Variants in FMO5 observed in about 807,000 individuals in gnomAD.
FMO5 encodes flavin containing dimethylaniline monoxygenase 5.
FMO5 carries 51 observed loss-of-function variants against 43.6 expected under a neutral mutation model. The ratio of observed to expected loss-of-function variants is 1.17; its 90% CI spans 0.93 to 1.48. The LOEUF (loss-of-function observed/expected upper bound fraction) is 1.48, where lower values mean the gene tolerates loss of function less well. Among genes scored for constraint, FMO5 ranks in the 40% most tolerant of loss-of-function variants. The pLI, the probability that FMO5 is intolerant of heterozygous loss-of-function variation, is 0.00. For synonymous variants in FMO5, 187 were observed against 216.5 expected, an observed-to-expected ratio of 0.86 and a Z score of 1.20; for missense variants, 644 against 643.0, an observed-to-expected ratio of 1.00 and a Z score of -0.02.
rs782332248 is a variant in FMO5 at position 147,215,926 on chromosome 1, CCTT to C, written c.149_151del (p.Glu50del). ...CACTGATTTGTAAATACTGGCCCTT[CCTT>C]CTTCAGGATTTTCCTGCAATAAATA... On this transcript the variant is annotated inframe_deletion, in exon 3 of 9. Transcript: ENST00000254090. 3.7e-6 allele frequency: 6 copies of C among 1,605,270 alleles called. No homozygotes were observed. The East Asian group carries it at 9.0e-5, about 24-fold the overall frequency.
chr1:147,221,855 T>G (rs1004044165), intron 2 of FMO5, among the ~76,000 whole-genome samples: 1 of 152,224 alleles, frequency 6.6e-6, no homozygotes, highest in Admixed American at 6.5e-5. Flanking sequence ...AAACACCTGA[T>G]TGGAACTTAG....
chr1:147,214,230 T>G (rs1353491622), intron 3 of FMO5, among the ~76,000 whole-genome samples: 1 of 152,030 alleles, frequency 6.6e-6, no homozygotes, highest in Non-Finnish European at 1.5e-5. Context: ...GCCAGGTGAA[T>G]CACCCGAGGT....
chr1:147,191,939 T>G (rs1656923735), intron 7 of FMO5, among the ~76,000 whole-genome samples: 1 of 152,090 alleles, frequency 6.6e-6, no homozygotes, highest in East Asian at 1.9e-4. Context: ...TGAAGTCAGG[T>G]AGCGTGATGC....
chr1:147,219,923 C>T (rs587679958), intron 2 of FMO5, among the ~76,000 whole-genome samples: 1 of 151,218 alleles, frequency 6.6e-6, no homozygotes, highest in South Asian at 2.1e-4. Flanking sequence ...ACCACAACCC[C>T]TGCCTCCCGG....
chr1:147,218,171 A>G (rs587761039), intron 2 of FMO5, among the ~76,000 whole-genome samples: 1 of 152,352 alleles, frequency 6.6e-6, no homozygotes, highest in Admixed American at 6.5e-5. Context: ...AATAGCAATT[A>G]ATTAGTAACA....
chr1:147,218,990 T>A (rs2120004), intron 2 of FMO5, among the ~76,000 whole-genome samples: 6,689 of 152,306 alleles, frequency 0.044, 165 homozygotes, highest in African/African-American at 0.071. Context: ...CAGGCATTTG[T>A]TTCCATGACT....
chr1:147,192,203 T>G (rs1218974216), intron 7 of FMO5, among the ~76,000 whole-genome samples: 23 of 152,164 alleles, frequency 1.5e-4, no homozygotes, highest in East Asian at 3.9e-4. Flanking sequence ...GTGGTTTGTA[T>G]TTCTCCTTGA....
intron 7 of FMO5, among the ~76,000 whole-genome samples, chr1:147,197,784 A>G (rs782777448): frequency 2.7e-4 from 41 of 152,164 alleles, no homozygotes; most frequent in Non-Finnish European, 4.1e-4. Context: ...GGGCTAACAC[A>G]GTCTTCCTTG....
rs1553917301 is a variant in FMO5 at position 147,187,087 on chromosome 1, T to C, written c.1415A>G (p.His472Arg). Residue 472 changes from histidine to arginine, a missense_variant, in exon 9 of 9, where the codon CAC (histidine) becomes CGC (arginine). By Grantham distance (29) the His-to-Arg change is conservative. Transcript: ENST00000254090. ...HLLLGPCTPI[H>R]YRVQGPGKWD... The stretch of plus-strand genomic sequence containing the variant: ...CTTTCCAGGGCCCTGTACACGATAG[T>C]GGATTGGAGTGCAGGGTCCCAGTAA... 6.2e-6 allele frequency: 10 copies of C among 1,613,952 alleles called. No homozygotes were observed. The Admixed American group carries it at 8.3e-5, about 13-fold the overall frequency.
Position 147,208,989 on chromosome 1 carries a change from AG to A in FMO5, c.692del (p.Pro231LeufsTer22). On this transcript the variant is annotated frameshift_variant, in exon 6 of 9. Coordinates refer to ENST00000254090, the MANE Select transcript of FMO5 (RefSeq NM_001461.4). LOFTEE classifies it high-confidence loss of function. The stretch of plus-strand genomic sequence containing the variant: ...GTCGAGAAGAGAACAACACATCAGC[AG>A]GATATCCGTAGTCCCCTACACGATT... ...ILNRVGDYGY[P>X]ADVLFSSRLT... 6.2e-7 allele frequency: 1 copy of A among 1,614,038 alleles called. No individual in the cohort carries two copies. The highest frequency in any genetic ancestry group is 1.3e-5 in the African/African-American group (1 of 75,008).
chr1:147,188,523 A>T (rs1656038728), intron 8 of FMO5, among the ~76,000 whole-genome samples: 1 of 856 alleles, frequency 1.2e-3, no homozygotes, highest in African/African-American at 3.8e-3. Flanking sequence ...ACCCCATATC[A>T]AAAAAAAAAA....
intron 2 of FMO5, among the ~76,000 whole-genome samples, chr1:147,219,121 T>G (rs1304567769): frequency 6.6e-6 from 1 of 152,214 alleles, no homozygotes; most frequent in East Asian, 1.9e-4. Flanking sequence ...AAATTGAATT[T>G]GGAGACACCA....
chr1:147,201,368 T>C lies in FMO5; in HGVS notation c.967A>G (p.Ile323Val), dbSNP rs1658943442. 1.2e-6 allele frequency: 2 copies of C among 1,614,074 alleles called. No individual in the cohort carries two copies. The highest frequency in any genetic ancestry group is 1.3e-5 in the African/African-American group (1 of 74,944). The change falls in exon 7 of 9, where the codon ATT becomes GTT. Residue 323 changes from isoleucine (I) to valine (V), a missense_variant. Physicochemically the swap from Ile to Val is conservative, Grantham distance 29 (BLOSUM62 3). Transcript: ENST00000254090. ...CCTGTGGCAAAGATAACAGCATCAA[T>C]GTCATCCTCCCTGGAGCCATCCTCA... The part of the protein sequence containing the change: ...IFEDGSREDD[I>V]DAVIFATGYS...
chr1:147,211,874 G>A (rs1386015728), intron 5 of FMO5, among the ~76,000 whole-genome samples: 1 of 152,174 alleles, frequency 6.6e-6, no homozygotes, highest in Non-Finnish European at 1.5e-5. Flanking sequence ...GACGCTATAC[G>A]GATACCCACA....
intron 7 of FMO5, among the ~76,000 whole-genome samples, chr1:147,200,384 T>A (rs1658764684): frequency 6.6e-6 from 1 of 152,176 alleles, no homozygotes; most frequent in South Asian, 2.1e-4. Context: ...TCAGATGGCA[T>A]GTTTTCAAAT....
At chr1:147,210,806 AT>A (rs1660955463) in intron 5 of FMO5, 1 of 152,204 alleles carries the variant, frequency 6.6e-6, no homozygotes, top group South Asian at 2.1e-4. Flanking sequence ...TTTTCCATCT[AT>A]ACCTTGTTTT....
chr1:147,192,982 T>C (rs1474219539), intron 7 of FMO5, among the ~76,000 whole-genome samples: 1 of 152,132 alleles, frequency 6.6e-6, no homozygotes, highest in African/African-American at 2.4e-5. Context: ...TTTTTTGTTG[T>C]GTCTCTGCCA....
Position 147,190,215 on chromosome 1 carries a change from C to T in FMO5, c.1218G>A (p.Met406Ile). 1 of 1,611,480 alleles carries T rather than the reference C, an allele frequency of 6.2e-7. No homozygotes were observed. Among genetic ancestry groups the T allele is most frequent in the Non-Finnish European group, 8.5e-7 (1 of 1,178,446 alleles). ...CCTCTTGAGCTTTAGATATTTCTGCCATCATTTCACTCTGTGAGGGCAATG... is the reference window on the plus strand; with the variant it reads ...CCTCTTGAGCTTTAGATATTTCTGCTATCATTTCACTCTGTGAGGGCAATG... ...LKTLPSQSEMMAEISKAQEEI... is the reference protein window; with the variant it reads ...LKTLPSQSEMIAEISKAQEEI... Residue 406 changes from methionine (M) to isoleucine (I), a missense_variant, in exon 8 of 9, where the codon ATG (methionine) becomes ATA (isoleucine). Met to Ile is a conservative substitution (Grantham distance 10). Coordinates refer to ENST00000254090, the MANE Select transcript of FMO5 (RefSeq NM_001461.4).
chr1:147,204,946 G>A, intron 6 of FMO5: 3 of 1,516,424 alleles, frequency 2.0e-6, no homozygotes, highest in Non-Finnish European at 2.7e-6. Flanking sequence ...CAGCCTGCAG[G>A]AAGCCGTTCA....
Sources: gnomAD v4.1 joint callset for allele counts (sites outside exome capture counted in the v4.1 genomes callset) on GRCh38, gnomAD v4.1.1 for gene constraint, MANE v1.5 for transcripts, NCBI Gene and HGNC (gene_info 2026-07-23, HGNC 2026-07-21) for gene names.